XKR4: variants seen among roughly 807,000 people sequenced by gnomAD.
XKR4 encodes XK-related protein 4.
A neutral mutation model predicts 53.9 loss-of-function variants in XKR4; 12 were observed. The ratio of observed to expected loss-of-function variants is 0.22; its 90% CI spans 0.14 to 0.36. XKR4 has a LOEUF of 0.36. Ranked by LOEUF, XKR4 falls within the 10% of genes least tolerant of loss-of-function variation. The pLI is 1.00. For synonymous variants in XKR4, 354 were observed against 362.4 expected (o/e 0.98, Z 0.26); for missense variants, 799 against 859.5 (o/e 0.93, Z 0.88).
intron 1 of XKR4, among the ~76,000 whole-genome samples, chr8:55,171,917 A>G (rs1387601648): frequency 6.6e-6 from 1 of 152,064 alleles, no homozygotes; most frequent in East Asian, 1.9e-4. Context: ...AGGCTTTGCA[A>G]TCCATTCCTC....
intron 1 of XKR4, among the ~76,000 whole-genome samples, chr8:55,141,956 C>G (rs1365089781): frequency 1.3e-5 from 2 of 152,212 alleles, no homozygotes; most frequent in East Asian, 3.9e-4. Flanking sequence ...CAGAGCAGAC[C>G]CTTCCCCAGG....
At position 55,538,034 on chromosome 8, in the gene XKR4, C is replaced by A. The variant is rs1563376470; in HGVS notation, c.*13807C>A. On this transcript the variant is annotated 3_prime_UTR_variant, in exon 3 of 3. Coordinates refer to ENST00000327381, the MANE Select transcript of XKR4 (RefSeq NM_052898.2). ...ATGGAATTTATGGTGTCGTAGAAAA[C>A]CAAAAATCCATGTTGAATATAGTGA... The A allele has an allele frequency of 6.6e-6, 1 of 152,092 alleles. No individual in the cohort carries two copies. Among genetic ancestry groups the A allele is most frequent in the Non-Finnish European group, 1.5e-5 (1 of 68,010 alleles). The allele number at this position is 152,092 out of a possible 1,614,324, so 9.4% of individuals were successfully genotyped here. A position where few individuals can be genotyped will look rare whatever the true frequency, so the allele number is the denominator to read the frequency against.
chr8:55,463,652 A>AC (rs1805701360), intron 2 of XKR4, among the ~76,000 whole-genome samples: 2 of 152,118 alleles, frequency 1.3e-5, no homozygotes, highest in South Asian at 2.1e-4. Flanking sequence ...AAATAGAGAA[A>AC]TAAAAAACTG....
At chr8:55,390,188 ATTTC>A (rs958450994) in intron 2 of XKR4, among the ~76,000 whole-genome samples, 4 of 152,298 alleles carry the variant, frequency 2.6e-5, no homozygotes, top group African/African-American at 9.6e-5. Context: ...AAGAAAATCT[ATTTC>A]TTTCTCTAGT....
intron 1 of XKR4, among the ~76,000 whole-genome samples, chr8:55,206,691 G>C (rs1817655881): frequency 6.6e-6 from 1 of 152,136 alleles, no homozygotes; most frequent in African/African-American, 2.4e-5. Flanking sequence ...GTTCACCTTA[G>C]CAGGCATTTG....
intron 1 of XKR4, among the ~76,000 whole-genome samples, chr8:55,263,225 T>A (rs543946826): frequency 6.6e-6 from 1 of 152,180 alleles, no homozygotes; most frequent in South Asian, 2.1e-4. Context: ...GCACATGGAG[T>A]GTCACTACCC....
In XKR4 at chr8:55,466,107, T is replaced by G. The variant is rs1454818423; in HGVS notation, c.1007-57174T>G. Among the ~76,000 whole-genome samples the G allele has an allele frequency of 4.6e-5, 7 of 152,104 alleles. No individual in the cohort carries two copies. The East Asian group carries it at 1.3e-3, about 29-fold the overall frequency. On this transcript the variant is annotated intron_variant, in intron 2 of 2. Coordinates refer to ENST00000327381, the MANE Select transcript of XKR4 (RefSeq NM_052898.2). ...TTCCTCAGGGATCTAGAACTAGAAA[T>G]ACCATTTGACCCAGCCATCTCATTA...
At chr8:55,209,209 G>GTGTGTGTGTGTTTA (rs1414472598) in intron 1 of XKR4, among the ~76,000 whole-genome samples, 1 of 89,454 alleles carries the variant, frequency 1.1e-5, no homozygotes, top group Non-Finnish European at 2.7e-5. Flanking sequence ...GTTTATGTGT[G>GTGTGTGTGTGTTTA]TGTGTGTGTG....
In XKR4 at chr8:55,527,482, C is replaced by T. The variant is rs1806894794; in HGVS notation, c.*3255C>T. 1 of 152,096 alleles carries T rather than the reference C, an allele frequency of 6.6e-6. No homozygotes were observed. 9.4% of individuals were successfully genotyped at this position (152,096 alleles called of 1,614,324 possible). A position where few individuals can be genotyped will look rare whatever the true frequency, so the allele number is the denominator to read the frequency against. On this transcript the variant is annotated 3_prime_UTR_variant, in exon 3 of 3. Coordinates refer to ENST00000327381, the MANE Select transcript of XKR4 (RefSeq NM_052898.2). Reference sequence around the variant, plus strand: ...TAAACTTGCATTTCTAAATATGAAACCATGTTTAATGAATATATATAATGT... The same window carrying T: ...TAAACTTGCATTTCTAAATATGAAATCATGTTTAATGAATATATATAATGT...
rs559726395 is a variant in XKR4, at chr8:55,152,982, G to A, written c.806+49688G>A. Among the ~76,000 whole-genome samples the A allele has an allele frequency of 3.3e-5, 5 of 152,252 alleles. 1 individual carries two copies. Among genetic ancestry groups the A allele is most frequent in the African/African-American group, 1.2e-4 (5 of 41,550 alleles). On this transcript the variant is annotated intron_variant, in intron 1 of 2. Transcript: ENST00000327381. Reference sequence around the variant, plus strand: ...TTATAGTATGAACCCAGGGCTTTGGGGTTAAAATGGAGAAGCACTAGAGGC... The same window carrying A: ...TTATAGTATGAACCCAGGGCTTTGGAGTTAAAATGGAGAAGCACTAGAGGC...
At chr8:55,321,926 T>G (rs1586009994) in intron 1 of XKR4, among the ~76,000 whole-genome samples, 1 of 151,956 alleles carries the variant, frequency 6.6e-6, no homozygotes, top group South Asian at 2.1e-4. Context: ...GAGGCGGAGG[T>G]TGCAGCGAGC....
intron 2 of XKR4, among the ~76,000 whole-genome samples, chr8:55,390,627 G>A (rs566718103): frequency 6.6e-6 from 1 of 152,166 alleles, no homozygotes; most frequent in Non-Finnish European, 1.5e-5. Context: ...CTCAGTACTG[G>A]GCACTTTGGT....
At chr8:55,198,120 T>C (rs985767337) in intron 1 of XKR4, among the ~76,000 whole-genome samples, 6 of 152,220 alleles carry the variant, frequency 3.9e-5, no homozygotes, top group African/African-American at 9.6e-5. Flanking sequence ...ACGGCTGCCA[T>C]TGATTCCAAT....
chr8:55,408,215 A>G (rs756484518), intron 2 of XKR4, among the ~76,000 whole-genome samples: 2 of 152,198 alleles, frequency 1.3e-5, no homozygotes, highest in Non-Finnish European at 2.9e-5. Context: ...AGTATATACC[A>G]CCAGCTCTTT....
intron 2 of XKR4, among the ~76,000 whole-genome samples, chr8:55,408,780 G>A (rs1039656519): frequency 4.6e-5 from 7 of 152,022 alleles, no homozygotes; most frequent in East Asian, 3.9e-4. Flanking sequence ...AGGTTGAGGC[G>A]GGCAGATCAC....
intron 1 of XKR4, among the ~76,000 whole-genome samples, chr8:55,319,877 T>G (rs1039391557): frequency 1.3e-5 from 2 of 152,194 alleles, no homozygotes; most frequent in African/African-American, 4.8e-5. Flanking sequence ...GTGCATCTGA[T>G]TGCAGGATCC....
intron 2 of XKR4, chr8:55,520,925 G>A (rs1806788014): frequency 6.6e-6 from 1 of 152,240 alleles, no homozygotes; most frequent in African/African-American, 2.4e-5. Context: ...TGTACTTAAA[G>A]TTTTCTTACT....
chr8:55,331,165 G>T (rs1474770953), intron 1 of XKR4, among the ~76,000 whole-genome samples: 2 of 151,892 alleles, frequency 1.3e-5, no homozygotes, highest in African/African-American at 4.8e-5. Context: ...ATTTTTATTT[G>T]CCTGAAGATA....
chr8:55,285,963 A>C lies in XKR4; in HGVS notation c.807-71715A>C, dbSNP rs1818902327. 2.6e-5 allele frequency among the ~76,000 whole-genome samples: 4 copies of C among 152,340 alleles called. No individual in the cohort carries two copies. The South Asian group carries it at 8.3e-4, about 32-fold the overall frequency. ...GAAGCAAATCTGAGTTTATTTTCTA[A>C]TGCAGTTGAAAGCAGGCTCACAGGA... On this transcript the variant is annotated intron_variant, in intron 1 of 2. Coordinates refer to ENST00000327381, the MANE Select transcript of XKR4 (RefSeq NM_052898.2).
Sources: gnomAD v4.1 joint callset for allele counts (sites outside exome capture counted in the v4.1 genomes callset) on GRCh38, gnomAD v4.1.1 for gene constraint, MANE v1.5 for transcripts, NCBI Gene and HGNC (gene_info 2026-07-23, HGNC 2026-07-21) for gene names.